Variants in CLEC9A observed in about 807,000 individuals in gnomAD.
CLEC9A encodes C-type lectin domain containing 9A, also known as C-type lectin domain family 9 member A.
Under a neutral mutation model 30.0 loss-of-function variants are expected in CLEC9A, and 24 were observed. That is an observed-to-expected ratio of 0.80 (90% CI 0.58 to 1.13). The LOEUF is 1.13. Among genes scored for constraint, CLEC9A ranks in the 50% most tolerant of loss-of-function variants. The pLI is 0.00. For missense variants in CLEC9A, 251 were observed against 280.9 expected (o/e 0.89, Z 0.76); for synonymous variants, 111 against 96.8 (o/e 1.15, Z -0.86).
intron 2 of CLEC9A, among the ~76,000 whole-genome samples, 200 bp downstream of exon 2, chr12:10,041,820 T>C (rs775641084): frequency 6.6e-6 from 1 of 152,246 alleles, no homozygotes; most frequent in Admixed American, 6.5e-5. Context: ...CTAGAGTTGA[T>C]TGGTCAAATT....
intron 2 of CLEC9A, among the ~76,000 whole-genome samples, chr12:10,047,046 A>G (rs1375860992): frequency 1.3e-5 from 2 of 152,204 alleles, no homozygotes; most frequent in East Asian, 1.9e-4. Flanking sequence ...ACTAACACTT[A>G]AAGACACTTG....
At position 10,063,054 on chromosome 12, in the gene CLEC9A, G is replaced by A; in HGVS notation, c.320-1G>A. 1 of 1,590,784 alleles carries A rather than the reference G, an allele frequency of 6.3e-7. No individual in the cohort carries two copies. Among genetic ancestry groups the A allele is most frequent in the Non-Finnish European group, 8.5e-7 (1 of 1,173,066 alleles). ...CTAAAGTAAAATGTTTATATTCAAA[G>A]CCCATAACAGCAGTCCTTGTCCAAA... On this transcript the variant is annotated splice_acceptor_variant, in intron 6 of 8. Coordinates refer to ENST00000355819, the MANE Select transcript of CLEC9A (RefSeq NM_207345.4). LOFTEE classifies it high-confidence loss of function.
rs571420196 is a variant in CLEC9A, at chr12:10,045,633, A to G, written c.-163+4013A>G. 637 of 249,646 alleles carry G rather than the reference A, an allele frequency of 2.6e-3. 3 individuals are homozygous for G. Among genetic ancestry groups the G allele is most frequent in the Middle Eastern group, 6.1e-3 (3 of 488 alleles). 15.5% of individuals were successfully genotyped at this position (249,646 alleles called of 1,614,324 possible). A position where few individuals can be genotyped will look rare whatever the true frequency, so the allele number is the denominator to read the frequency against. On this transcript the variant is annotated intron_variant, in intron 2 of 8. Transcript: ENST00000355819. ...CAAGGTGGACCAGCTACCTTAATGC[A>G]AGGAAAGGGGCAGGATATCACAGAT...
intron 2 of CLEC9A, among the ~76,000 whole-genome samples, chr12:10,051,505 T>G (rs1347366167): frequency 6.6e-6 from 1 of 152,240 alleles, no homozygotes; most frequent in Non-Finnish European, 1.5e-5. Context: ...TTTGGTTCCC[T>G]TAACACTTCC....
Position 10,065,787 on chromosome 12 carries a change from C to A in CLEC9A, c.*155C>A. On this transcript the variant is annotated 3_prime_UTR_variant, in exon 9 of 9. Transcript: ENST00000355819. ...ACTCAATAATACACTTGGGAATATTCTTCCACACCGTCCAGATTTCATTTG... is the reference window on the plus strand; with the variant it reads ...ACTCAATAATACACTTGGGAATATTATTCCACACCGTCCAGATTTCATTTG... 1.5e-6 allele frequency: 1 copy of A among 674,110 alleles called. No individual in the cohort carries two copies. The highest frequency in any genetic ancestry group is 2.4e-6 in the Non-Finnish European group (1 of 413,756). The allele number at this position is 674,110 out of a possible 1,614,324, so 41.8% of individuals were successfully genotyped here.
At chr12:10,044,062 G>A (rs977638554) in intron 2 of CLEC9A, among the ~76,000 whole-genome samples, 3 of 152,012 alleles carry the variant, frequency 2.0e-5, no homozygotes, top group African/African-American at 4.8e-5. Context: ...TTGACTTTTC[G>A]GTGGCATTTT....
At position 10,041,460 on chromosome 12, in the gene CLEC9A, C is replaced by A; in HGVS notation, c.-317-6C>A. On this transcript the variant is annotated splice_polypyrimidine_tract_variant and splice_region_variant and intron_variant, in intron 1 of 8. Coordinates refer to ENST00000355819, the MANE Select transcript of CLEC9A (RefSeq NM_207345.4). ...ACAACAACATTCCTGTGCTTGGTTT[C>A]TCCAGGTGACTATAAACGCAGCCCC... 2.4e-6 allele frequency: 1 copy of A among 414,186 alleles called. No individual in the cohort carries two copies. Among genetic ancestry groups the A allele is most frequent in the South Asian group, 2.0e-5 (1 of 48,974 alleles). The allele number at this position is 414,186 out of a possible 1,614,324, so 25.7% of individuals were successfully genotyped here. A position where few individuals can be genotyped will look rare whatever the true frequency, so the allele number is the denominator to read the frequency against.
chr12:10,048,096 G>T (rs973230908), intron 2 of CLEC9A, among the ~76,000 whole-genome samples: 2 of 124,094 alleles, frequency 1.6e-5, no homozygotes, highest in Non-Finnish European at 3.9e-5. Context: ...AGCCGGGCGC[G>T]GTGGCGGGCG....
At chr12:10,050,164 A>C (rs1397411579) in intron 2 of CLEC9A, among the ~76,000 whole-genome samples, 1 of 152,260 alleles carries the variant, frequency 6.6e-6, no homozygotes, top group Non-Finnish European at 1.5e-5. Context: ...TTATCAATTA[A>C]GTTAACCATC....
rs1865904091 is a variant in CLEC9A at position 10,052,695 on chromosome 12, A to G, written c.8A>G (p.Glu3Gly). 1 of 1,613,868 alleles carries G rather than the reference A, an allele frequency of 6.2e-7. No homozygotes were observed. Among genetic ancestry groups the G allele is most frequent in the Non-Finnish European group, 8.5e-7 (1 of 1,179,788 alleles). The change falls in exon 4 of 9, where the codon GAG (glutamate) becomes GGG (glycine). Residue 3 changes from glutamate to glycine, a missense_variant. Transcript: ENST00000355819. ...TATCAAAGCACCTTAGACATGCACGAGGAAGAAATATACACCTCTCTTCAG... is the reference window on the plus strand; with the variant it reads ...TATCAAAGCACCTTAGACATGCACGGGGAAGAAATATACACCTCTCTTCAG... MH[E>G]EEIYTSLQWD... is the part of the protein sequence containing the mutation.
In CLEC9A at chr12:10,041,527, G is replaced by A. The variant is rs1037588687; in HGVS notation, c.-256G>A. On this transcript the variant is annotated 5_prime_UTR_variant, in exon 2 of 9. Coordinates refer to ENST00000355819, the MANE Select transcript of CLEC9A (RefSeq NM_207345.4). Reference sequence around the variant, plus strand: ...CATATTATGGAGATAGCTGCTATGGGTTCTTCAAACACAACTTGACATGGA... The same window carrying A: ...CATATTATGGAGATAGCTGCTATGGATTCTTCAAACACAACTTGACATGGA... 1 of 500,874 alleles carries A rather than the reference G, an allele frequency of 2.0e-6. No homozygotes were observed. Among genetic ancestry groups the A allele is most frequent in the Admixed American group, 2.2e-5 (1 of 45,680 alleles). 31.0% of individuals were successfully genotyped at this position (500,874 alleles called of 1,614,324 possible).
At chr12:10,044,302 G>A (rs58945086) in intron 2 of CLEC9A, among the ~76,000 whole-genome samples, 4,351 of 152,214 alleles carry the variant, frequency 0.029, 146 homozygotes, top group East Asian at 0.096. Flanking sequence ...CAATTAAAAT[G>A]TAAATGGATA....
chr12:10,044,472 G>A (rs115447523), intron 2 of CLEC9A, among the ~76,000 whole-genome samples: 3 of 152,216 alleles, frequency 2.0e-5, no homozygotes, highest in East Asian at 1.9e-4. Flanking sequence ...TCACAATATT[G>A]CAGACAAATT....
chr12:10,047,806 A>T (rs1285860401), intron 2 of CLEC9A, among the ~76,000 whole-genome samples: 1 of 152,202 alleles, frequency 6.6e-6, no homozygotes, highest in East Asian at 1.9e-4. Context: ...AATGCTAACG[A>T]TTACCTGAGT....
At chr12:10,040,820 A>G in intron 1 of CLEC9A, 1 of 166,306 alleles carries the variant, frequency 6.0e-6, no homozygotes. Flanking sequence ...CTGATTACAA[A>G]ATGTTATTAT....
rs546487066 is a variant in CLEC9A at position 10,041,306 on chromosome 12, T to C, written c.-317-160T>C. ...AAAAAAAACAGAAGGGCACTTTTAG[T>C]AGGTATTGTTTTTTTAACGTCTTCA... is the stretch of plus-strand genomic sequence containing the variant. On this transcript the variant is annotated intron_variant, in intron 1 of 8. Coordinates refer to ENST00000355819, the MANE Select transcript of CLEC9A (RefSeq NM_207345.4). Among the ~76,000 whole-genome samples the C allele has an allele frequency of 5.9e-5, 9 of 152,092 alleles. No individual in the cohort carries two copies. In the East Asian group the frequency reaches 1.7e-3, roughly 29 times the overall value.
At chr12:10,059,021 G>GT (rs879599838) in intron 5 of CLEC9A, among the ~76,000 whole-genome samples, 15 of 151,648 alleles carry the variant, frequency 9.9e-5, no homozygotes, top group East Asian at 5.8e-4. Context: ...GTTTTTATTT[G>GT]TTTTTTTTAA....
rs1865983115 is a variant in CLEC9A, at chr12:10,060,075, G to A, written c.173-1052G>A. Among the ~76,000 whole-genome samples the A allele has an allele frequency of 2.0e-5, 3 of 152,226 alleles. No individual in the cohort carries two copies. The South Asian group carries it at 6.2e-4, about 32-fold the overall frequency. On this transcript the variant is annotated intron_variant, in intron 5 of 8. Transcript: ENST00000355819. ...CATCAAATGCTTGTCAAGCTGCAGAGAAAGCGGATCACTCACTCATTCCTG... is the reference window on the plus strand; with the variant it reads ...CATCAAATGCTTGTCAAGCTGCAGAAAAAGCGGATCACTCACTCATTCCTG...
chr12:10,049,429 A>T (rs1318841675), intron 2 of CLEC9A, among the ~76,000 whole-genome samples: 3 of 152,242 alleles, frequency 2.0e-5, no homozygotes, highest in Non-Finnish European at 4.4e-5. Context: ...CTCCAGCTAT[A>T]AAAGTCCTAG....
Sources: gnomAD v4.1 joint callset for allele counts (sites outside exome capture counted in the v4.1 genomes callset) on GRCh38, gnomAD v4.1.1 for gene constraint, MANE v1.5 for transcripts, NCBI Gene and HGNC (gene_info 2026-07-23, HGNC 2026-07-21) for gene names.